The following ALK variants were observed in gnomAD, a reference collection of about 807,000 sequenced individuals.
The protein encoded by ALK is ALK receptor tyrosine kinase, also known as ALK tyrosine kinase receptor.
Under a neutral mutation model 163.1 loss-of-function variants are expected in ALK, and 74 were observed. The ratio of observed to expected loss-of-function variants is 0.45; its 90% CI spans 0.38 to 0.55. The LOEUF is 0.55. Ranked by LOEUF, ALK falls within the 20% of genes least tolerant of loss-of-function variation. The pLI, the probability that ALK is intolerant of heterozygous loss-of-function variation, is 0.00. For synonymous variants in ALK, 960 were observed against 843.2 expected, an observed-to-expected ratio of 1.14 and a Z score of -2.40; for missense variants, 2,063 against 2,105.3, an observed-to-expected ratio of 0.98 and a Z score of 0.39.
At chr2:29,624,387 C>T (rs1423734453) in intron 3 of ALK, among the ~76,000 whole-genome samples, 1 of 152,164 alleles carries the variant, frequency 6.6e-6, no homozygotes, top group Non-Finnish European at 1.5e-5. Context: ...AGGGAGGTTT[C>T]ATGTCTGTAT....
chr2:29,832,323 G>C (rs530663146), intron 1 of ALK, among the ~76,000 whole-genome samples: 1 of 152,280 alleles, frequency 6.6e-6, no homozygotes, highest in East Asian at 1.9e-4. Context: ...GCCGGCAGGA[G>C]GTCTCATGAG....
At chr2:29,532,272 T>C (rs1237327585) in intron 3 of ALK, among the ~76,000 whole-genome samples, 156 bp from the exon 4 acceptor site, 1 of 152,204 alleles carries the variant, frequency 6.6e-6, no homozygotes, top group Non-Finnish European at 1.5e-5. Flanking sequence ...CCTCCATTCT[T>C]AGATTTTCTT....
chr2:29,643,185 T>G (rs1676753481), intron 3 of ALK, among the ~76,000 whole-genome samples: 1 of 152,064 alleles, frequency 6.6e-6, no homozygotes, highest in Non-Finnish European at 1.5e-5. Context: ...CATGGTGGGT[T>G]TGAAATATGC....
At chr2:29,255,640 G>C (rs986768946) in intron 11 of ALK, among the ~76,000 whole-genome samples, 1 of 152,110 alleles carries the variant, frequency 6.6e-6, no homozygotes, top group Non-Finnish European at 1.5e-5. Context: ...CTTTGGGGGT[G>C]ATTAAACCGT....
intron 1 of ALK, among the ~76,000 whole-genome samples, chr2:29,889,208 T>C (rs1052041589): frequency 9.2e-5 from 14 of 152,244 alleles, no homozygotes; most frequent in African/African-American, 3.4e-4. Context: ...TCCAGGGATA[T>C]ACAATGGTTT....
intron 9 of ALK, 122 bp downstream of exon 9, chr2:29,296,766 G>T: frequency 3.5e-6 from 4 of 1,150,796 alleles, no homozygotes; most frequent in Admixed American, 3.7e-5. Flanking sequence ...CGCACATATC[G>T]GTGTGTGGGC....
chr2:29,296,019 T>C (rs1666166209), intron 9 of ALK, among the ~76,000 whole-genome samples: 1 of 152,182 alleles, frequency 6.6e-6, no homozygotes, highest in African/African-American at 2.4e-5. Context: ...TTTATTCAAG[T>C]ACGGCTTGCT....
intron 2 of ALK, among the ~76,000 whole-genome samples, chr2:29,711,926 A>G (rs1679116301): frequency 1.3e-5 from 2 of 152,086 alleles, no homozygotes; most frequent in Non-Finnish European, 2.9e-5. Flanking sequence ...TTTGTGTCAC[A>G]TGGTCATTCA....
At chr2:29,576,879 A>T (rs1674539567) in intron 3 of ALK, among the ~76,000 whole-genome samples, 1 of 151,752 alleles carries the variant, frequency 6.6e-6, no homozygotes, top group South Asian at 2.1e-4. Context: ...AGATGGGACC[A>T]TCTAGTTGCA....
intron 1 of ALK, among the ~76,000 whole-genome samples, chr2:29,836,043 A>T (rs892597009): frequency 2.0e-5 from 3 of 152,134 alleles, no homozygotes; most frequent in Admixed American, 6.5e-5. Context: ...ATGCTGCAGC[A>T]TGACAAATGA....
intron 4 of ALK, among the ~76,000 whole-genome samples, chr2:29,497,690 C>A (rs1298278154): frequency 6.6e-5 from 10 of 152,168 alleles, no homozygotes; most frequent in Non-Finnish European, 1.3e-4. Context: ...AAGACAGAAT[C>A]TTTTTCTTCC....
intron 3 of ALK, among the ~76,000 whole-genome samples, chr2:29,677,251 CTCCCCTCCCCTCCCCTCCCCTCCCA>C (rs1677905919): frequency 8.8e-6 from 1 of 113,652 alleles, no homozygotes; most frequent in African/African-American, 3.4e-5. Flanking sequence ...CTCCCCTCCC[CTCCCCTCCCCTCCCCTCCCCTCCCA>C]TCCCCTCCCC....
At chr2:29,426,373 A>G (rs1369771238) in intron 4 of ALK, among the ~76,000 whole-genome samples, 1 of 152,248 alleles carries the variant, frequency 6.6e-6, no homozygotes, top group African/African-American at 2.4e-5. Flanking sequence ...ATGGTAAAAA[A>G]GCTGAAAGAC....
At chr2:29,607,249 C>G (rs748267817) in intron 3 of ALK, among the ~76,000 whole-genome samples, 3 of 152,118 alleles carry the variant, frequency 2.0e-5, no homozygotes, top group African/African-American at 4.8e-5. Flanking sequence ...CCTTGACGGG[C>G]GTGGTAATAA....
At chr2:29,756,733 G>A (rs564345951) in intron 1 of ALK, among the ~76,000 whole-genome samples, 112 of 152,222 alleles carry the variant, frequency 7.4e-4, no homozygotes, top group African/African-American at 2.4e-3. Flanking sequence ...CACCATGTTA[G>A]CCAGGCTTGT....
intron 5 of ALK, among the ~76,000 whole-genome samples, chr2:29,338,080 G>T (rs558304897): frequency 6.6e-6 from 1 of 152,188 alleles, no homozygotes; most frequent in Admixed American, 6.5e-5. Context: ...GAGAGGACCA[G>T]CTATGGAGGG....
chr2:29,678,440 CT>C (rs574171356), intron 3 of ALK, among the ~76,000 whole-genome samples: 17 of 151,358 alleles, frequency 1.1e-4, no homozygotes, highest in East Asian at 3.9e-4. Context: ...CAAAGCTATA[CT>C]TTTTTTTCTC....
At chr2:29,438,549 C>T (rs1670459610) in intron 4 of ALK, among the ~76,000 whole-genome samples, 1 of 152,162 alleles carries the variant, frequency 6.6e-6, no homozygotes, top group Non-Finnish European at 1.5e-5. Context: ...GCATGAGATT[C>T]AAACATTTTA....
chr2:29,803,756 T>C lies in ALK; in HGVS notation c.668-86059A>G, dbSNP rs1398780156. Among the ~76,000 whole-genome samples, 7 of 152,156 alleles carry C rather than the reference T, an allele frequency of 4.6e-5. No homozygotes were observed. The East Asian group carries it at 1.3e-3, about 29-fold the overall frequency. On this transcript the variant is annotated intron_variant, in intron 1 of 28. Coordinates refer to ENST00000389048, the MANE Select transcript of ALK (RefSeq NM_004304.5). ...AGATTTAAGAAGTAATGCAGATAAA[T>C]AATGGGATGCCAAGCTTAGAGGTTG... is the stretch of plus-strand genomic sequence containing the variant.
Sources: allele counts gnomAD v4.1 joint callset (sites outside exome capture counted in the v4.1 genomes callset), GRCh38; gene constraint gnomAD v4.1.1; transcripts MANE v1.5; gene names NCBI Gene and HGNC (gene_info 2026-07-23, HGNC 2026-07-21).